Variants in UBR1 observed in about 807,000 individuals in gnomAD.
UBR1 encodes the protein E3 ubiquitin-protein ligase UBR1.
In UBR1, 102 loss-of-function variants were observed where a neutral mutation model predicts 242.1. That is an observed-to-expected ratio of 0.42 (90% confidence interval 0.36 to 0.50). The LOEUF is 0.50. Ranked by LOEUF, UBR1 falls within the 20% of genes least tolerant of loss-of-function variation. The probability of loss-of-function intolerance (pLI) is 0.01; values close to 1 mark genes in which losing one functional copy is unlikely to be tolerated. For missense variants in UBR1, 1,772 were observed against 2,101.8 expected (o/e 0.84, Z 3.07); for synonymous variants, 675 against 684.8 (o/e 0.99, Z 0.22).
intron 44 of UBR1, among the ~76,000 whole-genome samples, chr15:42,953,612 G>C (rs972703145): frequency 2.0e-5 from 3 of 152,162 alleles, no homozygotes; most frequent in Admixed American, 2.0e-4. Flanking sequence ...CTTTAACACA[G>C]GATGGCTGAG....
chr15:43,026,250 C>A, intron 23 of UBR1: 1 of 270,714 alleles, frequency 3.7e-6, no homozygotes, highest in Non-Finnish European at 7.1e-6. Context: ...AAAACAAAAA[C>A]AAAAAACAAA....
chr15:43,080,580 T>C (rs12324436), intron 3 of UBR1, among the ~76,000 whole-genome samples: 2,463 of 152,340 alleles, frequency 0.016, 78 homozygotes, highest in African/African-American at 0.057. Context: ...ATTGTATGTA[T>C]GTACCACAGT....
intron 19 of UBR1, among the ~76,000 whole-genome samples, chr15:43,033,077 G>A (rs1251203752): frequency 1.3e-5 from 2 of 152,032 alleles, no homozygotes; most frequent in South Asian, 4.1e-4. Flanking sequence ...AATTAGCTCT[G>A]CATTTTATAT....
chr15:43,022,435 CA>C (rs76731124), intron 26 of UBR1, among the ~76,000 whole-genome samples: 1,769 of 103,414 alleles, frequency 0.017, 13 homozygotes, highest in Non-Finnish European at 0.022. Flanking sequence ...TATATGCAAC[CA>C]AAAAAAAAAA....
At chr15:43,055,405 T>C (rs1026208806) in intron 11 of UBR1, among the ~76,000 whole-genome samples, 13 of 151,794 alleles carry the variant, frequency 8.6e-5, no homozygotes, top group Non-Finnish European at 1.6e-4. Context: ...ATCGTGCTAC[T>C]ACACCCCAGC....
At chr15:43,036,091 T>C in intron 19 of UBR1, 87 bp downstream of exon 19, 1 of 1,204,312 alleles carries the variant, frequency 8.3e-7, no homozygotes, top group Non-Finnish European at 1.2e-6. Flanking sequence ...TTAAAAAATA[T>C]GGCTAAATAT....
chr15:42,995,387 C>T (rs1375901124), intron 33 of UBR1, among the ~76,000 whole-genome samples: 1 of 151,584 alleles, frequency 6.6e-6, no homozygotes, highest in Non-Finnish European at 1.5e-5. Context: ...AGGCTGGGCA[C>T]GGTGGCTCAC....
At chr15:43,010,818 C>CAAAAAAA (rs768275252) in intron 29 of UBR1, among the ~76,000 whole-genome samples, 14 of 56,974 alleles carry the variant, frequency 2.5e-4, no homozygotes, top group African/African-American at 4.3e-4. Flanking sequence ...ACTAAAAATA[C>CAAAAAAA]AAAAAAAAAA....
intron 23 of UBR1, 60 bp downstream of exon 23, chr15:43,026,501 G>C: frequency 6.9e-7 from 1 of 1,456,824 alleles, no homozygotes; most frequent in Middle Eastern, 1.7e-4. Flanking sequence ...AAAATTTTCT[G>C]TGGAGTTAGA....
intron 21 of UBR1, among the ~76,000 whole-genome samples, chr15:43,028,757 AAAC>A (rs2033211519): frequency 1.3e-5 from 2 of 150,478 alleles, no homozygotes; most frequent in African/African-American, 2.4e-5. Context: ...AAAAAAAAAA[AAAC>A]AAACAAACAA....
intron 1 of UBR1, among the ~76,000 whole-genome samples, chr15:43,095,424 G>A (rs968825520): frequency 3.5e-4 from 53 of 152,152 alleles, no homozygotes; most frequent in African/African-American, 1.3e-3. Context: ...TGTCATTCCT[G>A]GGCAGCAAGT....
chr15:42,948,324 A>G (rs980820507), intron 46 of UBR1, among the ~76,000 whole-genome samples: 1 of 152,044 alleles, frequency 6.6e-6, no homozygotes, highest in Non-Finnish European at 1.5e-5. Flanking sequence ...AAACCATAAA[A>G]ACCCTAGAAG....
chr15:42,991,736 A>T (rs1410901007), intron 33 of UBR1, among the ~76,000 whole-genome samples: 1 of 151,736 alleles, frequency 6.6e-6, no homozygotes, highest in African/African-American at 2.4e-5. Context: ...CCTCATCTCC[A>T]GTCTAGTATA....
chr15:43,020,994 C>A lies in UBR1; in HGVS notation c.2940+281G>T, dbSNP rs979918460. ...AGTATATGTTCCATGATAGTAAGCA[C>A]CTTGTCTGCCTTGTTCCATCTAGAA... On this transcript the variant is annotated intron_variant, in intron 27 of 46. Coordinates refer to ENST00000290650, the MANE Select transcript of UBR1 (RefSeq NM_174916.3). 3 of 336,312 alleles carry A rather than the reference C, an allele frequency of 8.9e-6. No individual in the cohort carries two copies. In the East Asian group the frequency reaches 2.1e-4, roughly 24 times the overall value. The allele number at this position is 336,312 out of a possible 1,614,324, so 20.8% of individuals were successfully genotyped here. A position where few individuals can be genotyped will look rare whatever the true frequency, so the allele number is the denominator to read the frequency against.
intron 1 of UBR1, among the ~76,000 whole-genome samples, chr15:43,097,661 G>T (rs1470160403): frequency 6.6e-6 from 1 of 152,228 alleles, no homozygotes; most frequent in Non-Finnish European, 1.5e-5. Context: ...TTGTGGAGAT[G>T]GTTTCTTTTC....
intron 2 of UBR1, 96 bp downstream of exon 2, chr15:43,085,878 ACCACTGCACT>A: frequency 8.1e-7 from 1 of 1,236,420 alleles, no homozygotes; most frequent in Non-Finnish European, 1.1e-6. Context: ...CGGAGATCGC[ACCACTGCACT>A]CCAGCCTGGG....
At chr15:42,997,925 C>T (rs941336987) in intron 33 of UBR1, among the ~76,000 whole-genome samples, 1 of 152,072 alleles carries the variant, frequency 6.6e-6, no homozygotes, top group African/African-American at 2.4e-5. Context: ...AGTTTGACTG[C>T]TTGGAATAAT....
chr15:43,036,153 T>C (rs1417421644), intron 19 of UBR1, 25 bp downstream of exon 19: 11 of 1,503,254 alleles, frequency 7.3e-6, no homozygotes, highest in Non-Finnish European at 1.9e-6. Context: ...TTAAAATTAA[T>C]TCACATAATT....
At chr15:43,072,436 A>G (rs1596130337) in intron 4 of UBR1, among the ~76,000 whole-genome samples, 1 of 152,224 alleles carries the variant, frequency 6.6e-6, no homozygotes, top group African/African-American at 2.4e-5. Flanking sequence ...TAACTGATAA[A>G]ACAGACTGGT....
Sources: allele counts gnomAD v4.1 joint callset (sites outside exome capture counted in the v4.1 genomes callset), GRCh38; gene constraint gnomAD v4.1.1; transcripts MANE v1.5; gene names NCBI Gene and HGNC (gene_info 2026-07-23, HGNC 2026-07-21).